Variants in AP3S1 observed in about 807,000 individuals in gnomAD.
AP3S1 encodes adaptor related protein complex 3 subunit sigma 1.
A neutral mutation model predicts 21.3 loss-of-function variants in AP3S1; 12 were observed. The observed-to-expected ratio is 0.56, with a 90% CI of 0.36 to 0.91. AP3S1 has a LOEUF of 0.91. Among genes scored for constraint, AP3S1 ranks in the 40% least tolerant of loss-of-function variants. The pLI is 0.01. For synonymous variants in AP3S1, 48 were observed against 78.4 expected, an observed-to-expected ratio of 0.61 and a Z score of 2.05; for missense variants, 116 against 225.0, an observed-to-expected ratio of 0.52 and a Z score of 3.10.
chr5:115,861,814 T>G (rs889229752), intron 1 of AP3S1, among the ~76,000 whole-genome samples: 24 of 151,840 alleles, frequency 1.6e-4, no homozygotes, highest in Middle Eastern at 3.4e-3. Context: ...CCCAAAGTGT[T>G]GGGATTACAG....
intron 3 of AP3S1, among the ~76,000 whole-genome samples, chr5:115,875,158 C>T (rs1202697224): frequency 6.6e-6 from 1 of 151,952 alleles, no homozygotes; most frequent in African/African-American, 2.4e-5. Flanking sequence ...TTTAATCTTT[C>T]TGACTTTCTC....
chr5:115,859,330 T>C (rs1763009811), intron 1 of AP3S1, among the ~76,000 whole-genome samples: 1 of 152,254 alleles, frequency 6.6e-6, no homozygotes, highest in South Asian at 2.1e-4. Flanking sequence ...TGGGCCTTTT[T>C]TTATCATTCT....
At chr5:115,892,855 G>A (rs953809152) in intron 3 of AP3S1, among the ~76,000 whole-genome samples, 3 of 152,150 alleles carry the variant, frequency 2.0e-5, no homozygotes, top group Admixed American at 2.0e-4. Context: ...TGCTTGAGGG[G>A]ATGGATACCC....
At chr5:115,845,798 C>T (rs1304643948) in intron 1 of AP3S1, among the ~76,000 whole-genome samples, 4 of 122,436 alleles carry the variant, frequency 3.3e-5, no homozygotes, top group Non-Finnish European at 6.4e-5. Flanking sequence ...GATCGTGCCA[C>T]TGCATTCCAG....
chr5:115,887,614 G>A (rs1037387464), intron 3 of AP3S1, among the ~76,000 whole-genome samples: 3 of 151,962 alleles, frequency 2.0e-5, no homozygotes, highest in African/African-American at 7.3e-5. Flanking sequence ...TTTCTTTTGT[G>A]AGACATTGTT....
chr5:115,884,792 A>G (rs1162691586), intron 3 of AP3S1, among the ~76,000 whole-genome samples: 1 of 152,236 alleles, frequency 6.6e-6, no homozygotes, highest in Non-Finnish European at 1.5e-5. Flanking sequence ...TCTGGGTTAA[A>G]AAATCACTTA....
At chr5:115,852,473 T>G (rs1762505914) in intron 1 of AP3S1, among the ~76,000 whole-genome samples, 1 of 152,178 alleles carries the variant, frequency 6.6e-6, no homozygotes, top group African/African-American at 2.4e-5. Flanking sequence ...AATATAGCTC[T>G]CACATGCTAT....
chr5:115,904,414 T>C (rs1751472900), intron 5 of AP3S1, among the ~76,000 whole-genome samples: 1 of 152,222 alleles, frequency 6.6e-6, no homozygotes, highest in African/African-American at 2.4e-5. Flanking sequence ...ATCTCAAATC[T>C]AGAAACAGTT....
chr5:115,909,520 C>T (rs1751926906), intron 5 of AP3S1, among the ~76,000 whole-genome samples: 1 of 152,064 alleles, frequency 6.6e-6, no homozygotes. Flanking sequence ...ATATACTGTA[C>T]TTCATTCTTT....
intron 3 of AP3S1, among the ~76,000 whole-genome samples, chr5:115,873,737 A>G (rs1748473724): frequency 6.6e-6 from 1 of 152,126 alleles, no homozygotes; most frequent in African/African-American, 2.4e-5. Flanking sequence ...GATTTTCTTA[A>G]TTTGTTCATC....
chr5:115,910,038 A>G (rs986702446), intron 5 of AP3S1, among the ~76,000 whole-genome samples: 1 of 152,198 alleles, frequency 6.6e-6, no homozygotes, highest in African/African-American at 2.4e-5. Flanking sequence ...CCAAGGCAGA[A>G]GACTCACTTG....
intron 1 of AP3S1, among the ~76,000 whole-genome samples, chr5:115,856,522 A>G (rs1268443829): frequency 1.3e-5 from 2 of 151,058 alleles, no homozygotes; most frequent in East Asian, 3.9e-4. Context: ...TGGTGTGATC[A>G]TTAGCTCACT....
chr5:115,908,113 A>G (rs1313747900), intron 5 of AP3S1, among the ~76,000 whole-genome samples: 1 of 152,092 alleles, frequency 6.6e-6, no homozygotes, highest in African/African-American at 2.4e-5. Context: ...AGGTGGCTTT[A>G]TAGTATCTTA....
chr5:115,897,882 G>A (rs1397206557), intron 4 of AP3S1, among the ~76,000 whole-genome samples: 2 of 152,180 alleles, frequency 1.3e-5, no homozygotes, highest in East Asian at 3.9e-4. Context: ...TTTTCTTAAA[G>A]GCAAGACATA....
In AP3S1 at chr5:115,842,112, T is replaced by C; in HGVS notation, c.69+6T>C. 1 of 1,063,980 alleles carries C rather than the reference T, an allele frequency of 9.4e-7. No homozygotes were observed. The highest frequency in any genetic ancestry group is 1.3e-6 in the Non-Finnish European group (1 of 792,778). 65.9% of individuals were successfully genotyped at this position (1,063,980 alleles called of 1,614,324 possible). On this transcript the variant is annotated splice_donor_region_variant and intron_variant, in intron 1 of 5. Coordinates refer to ENST00000316788, the MANE Select transcript of AP3S1 (RefSeq NM_001284.4). ...CCAAGTTCTACCAGCCCTACGTGAG[T>C]ATCCAGCCGCCGCTGATCCGGGCGA...
intron 3 of AP3S1, among the ~76,000 whole-genome samples, chr5:115,877,220 A>T (rs981628099): frequency 1.3e-4 from 19 of 151,996 alleles, no homozygotes; most frequent in African/African-American, 4.6e-4. Flanking sequence ...AAGTTCTGAG[A>T]TACATATGTA....
chr5:115,904,663 A>G (rs1265333846), intron 5 of AP3S1, among the ~76,000 whole-genome samples: 2 of 152,228 alleles, frequency 1.3e-5, no homozygotes, highest in Non-Finnish European at 2.9e-5. Context: ...TTGTTTTAGG[A>G]CAAGGAAAAA....
intron 3 of AP3S1, among the ~76,000 whole-genome samples, chr5:115,876,716 C>A (rs1425496136): frequency 6.6e-6 from 1 of 152,136 alleles, no homozygotes; most frequent in African/African-American, 2.4e-5. Context: ...GTCTTTCATT[C>A]ATGTCTTTCA....
chr5:115,911,505 A>G (rs969964520), intron 5 of AP3S1, among the ~76,000 whole-genome samples: 2 of 152,094 alleles, frequency 1.3e-5, no homozygotes, highest in Non-Finnish European at 2.9e-5. Flanking sequence ...TTGGTCTTTT[A>G]ACTAGAAAAA....
Sources: gnomAD v4.1 joint callset for allele counts (sites outside exome capture counted in the v4.1 genomes callset) on GRCh38, gnomAD v4.1.1 for gene constraint, MANE v1.5 for transcripts, NCBI Gene and HGNC (gene_info 2026-07-23, HGNC 2026-07-21) for gene names.